Variants in CELF2 observed in about 807,000 individuals in gnomAD.
CELF2 encodes CUG triplet repeat RNA-binding protein 2.
A neutral mutation model predicts 62.6 loss-of-function variants in CELF2; 8 were observed. The ratio of observed to expected loss-of-function variants is 0.13; its 90% confidence interval spans 0.07 to 0.23. The LOEUF is 0.23. CELF2 is among the 10% of genes least tolerant of loss of function. The probability of loss-of-function intolerance (pLI) is 1.00; values close to 1 mark genes in which losing one functional copy is unlikely to be tolerated. For missense variants in CELF2, 333 were observed against 671.0 expected (o/e 0.50, Z 5.56); for synonymous variants, 258 against 250.0 (o/e 1.03, Z -0.30).
chr10:11,252,556 A>AG (rs2077461851), intron 4 of CELF2, among the ~76,000 whole-genome samples: 1 of 152,216 alleles, frequency 6.6e-6, no homozygotes, highest in Non-Finnish European at 1.5e-5. Flanking sequence ...ATTCTGAGAG[A>AG]GGGAACCTCT....
chr10:11,013,457 C>T (rs544578248), upstream of CELF2, among the ~76,000 whole-genome samples: 2 of 152,116 alleles, frequency 1.3e-5, no homozygotes, highest in African/African-American at 4.8e-5. This position sits in a 1 kb window ranked among gnomAD's most constrained non-coding sequence, Gnocchi z 4.1. Context: ...CCCTCCTTTG[C>T]GAGTGAGAAG....
At chr10:10,752,688 C>CAAAAAAAAAAAAAAAAAA in the CELF2 span, among the ~76,000 whole-genome samples, 7 of 58,976 alleles carry the variant, frequency 1.2e-4, no homozygotes, top group Non-Finnish European at 1.6e-4. Flanking sequence ...GACTCCGTCT[C>CAAAAAAAAAAAAAAAAAA]AAAAAAAAAA....
intron 3 of CELF2, among the ~76,000 whole-genome samples, chr10:11,240,861 T>C (rs1488682690): frequency 6.6e-6 from 1 of 152,178 alleles, no homozygotes; most frequent in East Asian, 1.9e-4. Context: ...CAAACTTATT[T>C]ACACCACAAC....
At chr10:10,640,117 G>T in the CELF2 span, among the ~76,000 whole-genome samples, 2 of 152,114 alleles carry the variant, frequency 1.3e-5, no homozygotes, top group African/African-American at 4.8e-5. Flanking sequence ...GCTACATCCA[G>T]TCCTACTTAA....
At chr10:11,195,447 T>C (rs1445275260) in intron 2 of CELF2, among the ~76,000 whole-genome samples, 1 of 152,188 alleles carries the variant, frequency 6.6e-6, no homozygotes. Flanking sequence ...TTTCATCCCT[T>C]GCTAGTTCCT....
intron 1 of CELF2, among the ~76,000 whole-genome samples, chr10:10,834,643 C>T (rs1054274753): frequency 9.8e-5 from 15 of 152,326 alleles, no homozygotes; most frequent in Non-Finnish European, 1.3e-4. Context: ...AGGGACCATC[C>T]TGCAAGTCAG....
At chr10:10,614,564 C>G in the CELF2 span, among the ~76,000 whole-genome samples, 3 of 152,128 alleles carry the variant, frequency 2.0e-5, no homozygotes, top group Non-Finnish European at 4.4e-5. Flanking sequence ...CATTCCCTAC[C>G]ACTCCACAGA....
At chr10:10,657,730 T>G in the CELF2 span, among the ~76,000 whole-genome samples, 2 of 152,298 alleles carry the variant, frequency 1.3e-5, no homozygotes, top group South Asian at 4.1e-4. Flanking sequence ...GAGAATATAT[T>G]CCAGGAGCAT....
chr10:10,869,689 G>A (rs1591381008), intron 1 of CELF2, among the ~76,000 whole-genome samples: 1 of 152,108 alleles, frequency 6.6e-6, no homozygotes, highest in African/African-American at 2.4e-5. Context: ...TTACAAAATA[G>A]GCAGCCTTTG....
the CELF2 span, among the ~76,000 whole-genome samples, chr10:10,506,741 A>T: frequency 1.6e-5 from 2 of 121,528 alleles, no homozygotes; most frequent in Admixed American, 2.3e-4. Context: ...CAGAGGTGCA[A>T]TCTTGGCTCA....
At chr10:11,022,107 G>T (rs1464600344) in intron 1 of CELF2, among the ~76,000 whole-genome samples, 1 of 152,092 alleles carries the variant, frequency 6.6e-6, no homozygotes, top group Non-Finnish European at 1.5e-5. Context: ...GAGATAACTG[G>T]CATTTATCAC....
intron 1 of CELF2, among the ~76,000 whole-genome samples, chr10:10,820,168 A>G (rs2056836732): frequency 6.6e-6 from 1 of 152,152 alleles, no homozygotes; most frequent in African/African-American, 2.4e-5. Flanking sequence ...CATGATTCTG[A>G]AGCCTCGCCA....
At chr10:10,786,823 A>C in the CELF2 span, 34 of 152,320 alleles carry the variant, frequency 2.2e-4, no homozygotes, top group African/African-American at 7.9e-4. Context: ...CTGCCTCTAC[A>C]GGAAATATTT....
chr10:11,074,159 G>A (rs568863841), intron 1 of CELF2, among the ~76,000 whole-genome samples: 2 of 152,208 alleles, frequency 1.3e-5, no homozygotes, highest in East Asian at 1.9e-4. Flanking sequence ...TCAGCAAAAT[G>A]TCTATTTCAA....
chr10:11,005,291 A>AGG (rs1395464231), upstream of CELF2: 3,156 of 1,552,416 alleles, frequency 2.0e-3, 4 homozygotes, highest in Non-Finnish European at 2.4e-3. The surrounding 1 kb of genome is among the most constrained non-coding windows in gnomAD (Gnocchi z 4.3). Context: ...AGAGAGAGAG[A>AGG]GAGGGAGGAG....
At chr10:10,585,394 C>T in the CELF2 span, among the ~76,000 whole-genome samples, 4 of 151,720 alleles carry the variant, frequency 2.6e-5, no homozygotes, top group Admixed American at 6.6e-5. Context: ...CTCTGTACAC[C>T]TTTCTCTACC....
chr10:11,292,121 T>C (rs1217515617), intron 9 of CELF2, among the ~76,000 whole-genome samples: 1 of 152,186 alleles, frequency 6.6e-6, no homozygotes, highest in African/African-American at 2.4e-5. Flanking sequence ...ATTCCCACCA[T>C]TGACCCTTCA....
chr10:11,053,302 A>G (rs1016096617), intron 1 of CELF2, among the ~76,000 whole-genome samples: 5 of 152,194 alleles, frequency 3.3e-5, no homozygotes, highest in Non-Finnish European at 7.3e-5. Flanking sequence ...CCATATCTTC[A>G]GTGAAGTAGA....
the CELF2 span, among the ~76,000 whole-genome samples, chr10:10,591,547 C>A: frequency 1.3e-5 from 2 of 151,714 alleles, no homozygotes; most frequent in South Asian, 2.1e-4. Context: ...CTTTAGATTT[C>A]TTTATTTTGT....
Sources: allele counts gnomAD v4.1 joint callset (sites outside exome capture counted in the v4.1 genomes callset), GRCh38; gene constraint gnomAD v4.1.1; non-coding constraint Gnocchi (gnomAD v3.1); transcripts MANE v1.5; gene names NCBI Gene and HGNC (gene_info 2026-07-23, HGNC 2026-07-21).